ABCC9: variants seen among roughly 807,000 people sequenced by gnomAD.
ABCC9 encodes ATP binding cassette subfamily C member 9.
ABCC9 carries 95 observed loss-of-function variants against 188.3 expected under a neutral mutation model. The ratio of observed to expected loss-of-function variants is 0.50; its 90% CI spans 0.43 to 0.60. The LOEUF is 0.60. Among genes scored for constraint, ABCC9 ranks in the 20% least tolerant of loss-of-function variants. The probability of loss-of-function intolerance (pLI) is 0.00; values close to 1 mark genes in which losing one functional copy is unlikely to be tolerated. For missense variants in ABCC9, 1,102 were observed against 1,876.3 expected, an observed-to-expected ratio of 0.59 and a Z score of 7.62; for synonymous variants, 659 against 652.7, an observed-to-expected ratio of 1.01 and a Z score of -0.15.
intron 31 of ABCC9, chr12:21,827,225 A>G (rs1943433500): frequency 1.0e-6 from 1 of 985,178 alleles, no homozygotes. Context: ...AGGCTCTAAT[A>G]TCTTGTCTTC....
intron 30 of ABCC9, among the ~76,000 whole-genome samples, chr12:21,829,483 G>T (rs1224115063): frequency 6.6e-6 from 1 of 152,180 alleles, no homozygotes; most frequent in Non-Finnish European, 1.5e-5. Context: ...TTACAGGCGT[G>T]TGCCACCGCA....
chr12:21,815,793 G>T lies in ABCC9; in HGVS notation c.3993C>A (p.His1331Gln). The change falls in exon 34 of 40, where the codon CAC becomes CAA. Residue 1331 changes from histidine (H) to glutamine (Q), a missense_variant. Coordinates refer to ENST00000261200, the MANE Select transcript of ABCC9 (RefSeq NM_020297.4). ...GTCCAGGTTTGATGTAAGCCTTGAC[G>T]TGCTTAAGAACAGGTTTCAGATTAT... ...YENNLKPVLK[H>Q]VKAYIKPGQK... The T allele has an allele frequency of 6.2e-7, 1 of 1,613,142 alleles. No homozygotes were observed. Among genetic ancestry groups the T allele is most frequent in the Non-Finnish European group, 8.5e-7 (1 of 1,179,552 alleles).
chr12:21,812,414 G>A (rs561839676), intron 35 of ABCC9, among the ~76,000 whole-genome samples: 1 of 152,136 alleles, frequency 6.6e-6, no homozygotes, highest in South Asian at 2.1e-4. Context: ...GTTTATGGCA[G>A]CACTGTTCAC....
At chr12:21,844,617 T>G in intron 27 of ABCC9, 65 bp from the exon 28 acceptor site, 1 of 1,561,216 alleles carries the variant, frequency 6.4e-7, no homozygotes, top group Non-Finnish European at 8.8e-7. Flanking sequence ...GCATTGCTAA[T>G]GGGCATCTTA....
At chr12:21,923,330 C>G (rs2137979354) in intron 5 of ABCC9, 1 of 149,948 alleles carries the variant, frequency 6.7e-6, no homozygotes, top group Non-Finnish European at 1.5e-5. Flanking sequence ...ATTAAAAGAC[C>G]CTATTAAATA....
At chr12:21,910,464 C>G (rs1264352094) in intron 9 of ABCC9, 152 bp from the exon 10 acceptor site, 2 of 794,480 alleles carry the variant, frequency 2.5e-6, no homozygotes, top group Non-Finnish European at 3.9e-6. Context: ...TCAGCCACTA[C>G]AGTTATTTCT....
At chr12:21,866,429 T>C (rs1945787337) in intron 18 of ABCC9, among the ~76,000 whole-genome samples, 2 of 152,212 alleles carry the variant, frequency 1.3e-5, no homozygotes, top group Non-Finnish European at 2.9e-5. Context: ...AAGTCACCTA[T>C]AATCGTTCTT....
chr12:21,868,846 A>G (rs917609708), intron 18 of ABCC9, among the ~76,000 whole-genome samples: 1 of 152,216 alleles, frequency 6.6e-6, no homozygotes, highest in Non-Finnish European at 1.5e-5. Flanking sequence ...TTTCTAAATT[A>G]GCTTAGCTTT....
intron 20 of ABCC9, 72 bp downstream of exon 20, chr12:21,862,881 T>C: frequency 1.0e-6 from 1 of 996,128 alleles, no homozygotes; most frequent in Non-Finnish European, 1.6e-6. Context: ...CCAGAAACCA[T>C]TGTTCATTCC....
At chr12:21,875,439 G>A (rs887616556) in intron 17 of ABCC9, among the ~76,000 whole-genome samples, 1 of 152,086 alleles carries the variant, frequency 6.6e-6, no homozygotes, top group Admixed American at 6.6e-5. Flanking sequence ...GTAAATAATT[G>A]TCCAAAGGTA....
At chr12:21,851,696 T>C (rs143850305) in intron 24 of ABCC9, among the ~76,000 whole-genome samples, 1 of 152,284 alleles carries the variant, frequency 6.6e-6, no homozygotes, top group East Asian at 1.9e-4. Flanking sequence ...GCTTTTGACT[T>C]TCCAATGACC....
At chr12:21,920,200 T>C (rs1948755405) in intron 5 of ABCC9, among the ~76,000 whole-genome samples, 1 of 152,044 alleles carries the variant, frequency 6.6e-6, no homozygotes, top group South Asian at 2.1e-4. Flanking sequence ...TTCAGTCTTA[T>C]GTCTATTTGG....
chr12:21,814,053 T>A (rs1360248274), intron 35 of ABCC9, among the ~76,000 whole-genome samples: 2 of 152,184 alleles, frequency 1.3e-5, no homozygotes. Context: ...AAAAAAAGAT[T>A]AAGTTATTTC....
chr12:21,880,473 A>G (rs1469433447), intron 16 of ABCC9, among the ~76,000 whole-genome samples: 1 of 152,184 alleles, frequency 6.6e-6, no homozygotes, highest in Non-Finnish European at 1.5e-5. Context: ...GAGTGGGAGA[A>G]GAATTTTGCA....
intron 19 of ABCC9, among the ~76,000 whole-genome samples, chr12:21,863,384 T>G (rs74067810): frequency 1.8e-3 from 224 of 126,316 alleles, no homozygotes; most frequent in African/African-American, 6.1e-3. Flanking sequence ...ATTAAAAGAT[T>G]ATAGCTACAG....
chr12:21,844,569 TG>T lies in ABCC9; in HGVS notation c.3246-18del. 1 of 1,610,200 alleles carries T rather than the reference TG, an allele frequency of 6.2e-7. No homozygotes were observed. Among genetic ancestry groups the T allele is most frequent in the Non-Finnish European group, 8.5e-7 (1 of 1,176,582 alleles). ...TCAAAAAACCTAGGCAATAAACAGA[TG>T]GAAGTATATGATAATACTAAACTAT... On this transcript the variant is annotated intron_variant, in intron 27 of 39. Transcript: ENST00000261200.
intron 24 of ABCC9, among the ~76,000 whole-genome samples, 197 bp from the exon 25 acceptor site, chr12:21,848,443 G>C (rs921930881): frequency 1.3e-5 from 2 of 152,146 alleles, no homozygotes; most frequent in Admixed American, 6.6e-5. Context: ...GTGCTGCAGT[G>C]CTCAAAGGTG....
chr12:21,858,689 G>A (rs891383520), intron 22 of ABCC9, among the ~76,000 whole-genome samples: 14 of 152,126 alleles, frequency 9.2e-5, no homozygotes, highest in Non-Finnish European at 1.6e-4. Context: ...GTATTCTTAG[G>A]GGGATGAATT....
In ABCC9 at chr12:21,799,990, G is replaced by C. The variant is rs1941355124; in HGVS notation, c.*1054C>G. Reference sequence around the variant, plus strand: ...TTGTATGCACATTAAAATTAGAGCAGGAGCAAATGATCATGTGTGACACCA... The same window carrying C: ...TTGTATGCACATTAAAATTAGAGCACGAGCAAATGATCATGTGTGACACCA... On this transcript the variant is annotated 3_prime_UTR_variant, in exon 40 of 40. Coordinates refer to ENST00000261200, the MANE Select transcript of ABCC9 (RefSeq NM_020297.4). The C allele has an allele frequency of 6.6e-6, 1 of 152,122 alleles. No individual in the cohort carries two copies. The highest frequency in any genetic ancestry group is 1.5e-5 in the Non-Finnish European group (1 of 68,018). The allele number at this position is 152,122 out of a possible 1,614,324, so 9.4% of individuals were successfully genotyped here. A position where few individuals can be genotyped will look rare whatever the true frequency, so the allele number is the denominator to read the frequency against.
Sources: allele counts gnomAD v4.1 joint callset (sites outside exome capture counted in the v4.1 genomes callset), GRCh38; gene constraint gnomAD v4.1.1; transcripts MANE v1.5; gene names NCBI Gene and HGNC (gene_info 2026-07-23, HGNC 2026-07-21).